Variants in ELAVL2 observed in about 807,000 individuals in gnomAD.
ELAVL2 encodes ELAV-like protein 2.
A neutral mutation model predicts 34.6 loss-of-function variants in ELAVL2; 4 were observed. The ratio of observed to expected loss-of-function variants is 0.12; its 90% CI spans 0.06 to 0.26. The LOEUF (loss-of-function observed/expected upper bound fraction) is 0.26. ELAVL2 is among the 10% of genes least tolerant of loss of function. ELAVL2 has a pLI of 1.00. For synonymous variants in ELAVL2, 193 were observed against 154.8 expected (o/e 1.25, Z -1.83); for missense variants, 432 against 442.8 (o/e 0.98, Z 0.22).
At chr9:23,779,702 A>G (rs2136711841) in intron 1 of ELAVL2, among the ~76,000 whole-genome samples, 1 of 152,060 alleles carries the variant, frequency 6.6e-6, no homozygotes, top group African/African-American at 2.4e-5. Flanking sequence ...CCACCATCCA[A>G]TTCATAAGGA....
chr9:23,715,211 C>T (rs543559794), intron 3 of ELAVL2, among the ~76,000 whole-genome samples: 4 of 152,230 alleles, frequency 2.6e-5, no homozygotes, highest in East Asian at 1.9e-4. Context: ...TGCAGTGGCA[C>T]GATCTCAGCT....
At chr9:23,693,117 A>C (rs61406658) in intron 6 of ELAVL2, among the ~76,000 whole-genome samples, 2 of 152,184 alleles carry the variant, frequency 1.3e-5, no homozygotes, top group East Asian at 3.8e-4. Context: ...ACTGTACTGA[A>C]TATCATCCAC....
chr9:23,790,383 T>C (rs1303110987), intron 1 of ELAVL2, among the ~76,000 whole-genome samples: 3 of 152,214 alleles, frequency 2.0e-5, no homozygotes, highest in Non-Finnish European at 4.4e-5. Flanking sequence ...AGTCTGTGAC[T>C]GCACAGGTAA....
In ELAVL2 at chr9:23,754,713, T is replaced by C. The variant is rs542034482; in HGVS notation, c.229+7293A>G. On this transcript the variant is annotated intron_variant, in intron 2 of 6. Transcript: ENST00000397312. ...CCTGACCTCCGGTGATTCGCCTGCA[T>C]TGGCCTTCCAAAGTGCTGAGAATAC... 5.9e-5 allele frequency among the ~76,000 whole-genome samples: 9 copies of C among 152,316 alleles called. No individual in the cohort carries two copies. The South Asian group carries it at 8.3e-4, about 14-fold the overall frequency.
chr9:23,718,558 T>C (rs373568595), intron 3 of ELAVL2, among the ~76,000 whole-genome samples: 7 of 152,292 alleles, frequency 4.6e-5, no homozygotes, highest in East Asian at 1.9e-4. Flanking sequence ...AGATGGAAAT[T>C]TGTGTAAGGC....
chr9:23,798,108 T>C (rs2061173927), intron 1 of ELAVL2, among the ~76,000 whole-genome samples: 1 of 152,210 alleles, frequency 6.6e-6, no homozygotes, highest in Non-Finnish European at 1.5e-5. Flanking sequence ...AGGGAGCCAC[T>C]GAAACCTTCA....
intron 3 of ELAVL2, among the ~76,000 whole-genome samples, chr9:23,721,761 A>T (rs112618289): frequency 3.3e-5 from 5 of 152,326 alleles, no homozygotes; most frequent in African/African-American, 9.6e-5. Context: ...ACTTCCACTT[A>T]ATGAACAGTA....
chr9:23,786,743 A>C (rs2059723228), intron 1 of ELAVL2, among the ~76,000 whole-genome samples: 1 of 149,354 alleles, frequency 6.7e-6, no homozygotes, highest in African/African-American at 2.5e-5. Context: ...GTATATAAGC[A>C]GGAAACCTGC....
intron 3 of ELAVL2, among the ~76,000 whole-genome samples, chr9:23,707,188 G>A (rs1349246530): frequency 6.6e-6 from 1 of 152,242 alleles, no homozygotes; most frequent in Non-Finnish European, 1.5e-5. Context: ...CCAATTTCAA[G>A]TGATTAATGT....
intron 2 of ELAVL2, among the ~76,000 whole-genome samples, chr9:23,735,860 A>T (rs765402308): frequency 2.0e-5 from 3 of 152,140 alleles, no homozygotes; most frequent in African/African-American, 7.2e-5. Flanking sequence ...ACCAAAGACT[A>T]CTGAGAGCAG....
At position 23,692,859 on chromosome 9, in the gene ELAVL2, T is replaced by C. The variant is rs1270343472; in HGVS notation, c.778A>G (p.Met260Val). 6.2e-7 allele frequency: 1 copy of C among 1,614,036 alleles called. No homozygotes were observed. The highest frequency in any genetic ancestry group is 8.5e-7 in the Non-Finnish European group (1 of 1,179,918). The change falls in exon 7 of 7, where the codon ATG (methionine) becomes GTG (valine). Residue 260 changes from methionine to valine, a missense_variant. Around this residue, in one of 3 missense-constraint regions of ELAVL2, gnomAD observed 295 missense variants for 306.1 expected, o/e 0.96. Transcript: ENST00000397312. Reference sequence around the variant, plus strand: ...ATATTAATTCCAGCCAAACTGGTCATTCCGTCAATGGTCATTGGAGAAAAC... The same window carrying C: ...ATATTAATTCCAGCCAAACTGGTCACTCCGTCAATGGTCATTGGAGAAAAC... ...KRFSPMTIDG[M>V]TSLAGINIPG... is the part of the protein sequence containing the mutation.
chr9:23,701,366 A>T lies in ELAVL2; in HGVS notation c.713+13T>A. 2 of 1,613,822 alleles carry T rather than the reference A, an allele frequency of 1.2e-6. No individual in the cohort carries two copies. Among genetic ancestry groups the T allele is most frequent in the South Asian group, 2.2e-5 (2 of 91,070 alleles). On this transcript the variant is annotated intron_variant, in intron 5 of 6. Coordinates refer to ENST00000397312, the MANE Select transcript of ELAVL2 (RefSeq NM_004432.5). ...AGTTTAGTAGCTGGGCACAAGAACC[A>T]AACCAGACTTACCTAAAACGCTGTG... is the stretch of plus-strand genomic sequence containing the variant.
chr9:23,774,213 C>CAAAAAAAAAAAAAAAAA (rs57247631), intron 1 of ELAVL2, among the ~76,000 whole-genome samples: 2 of 61,450 alleles, frequency 3.3e-5, no homozygotes, highest in African/African-American at 6.4e-5. Flanking sequence ...GACTCCATCT[C>CAAAAAAAAAAAAAAAAA]AAAAAAAAAA....
intron 2 of ELAVL2, among the ~76,000 whole-genome samples, chr9:23,746,165 A>G (rs901973948): frequency 3.3e-5 from 5 of 152,210 alleles, no homozygotes; most frequent in Non-Finnish European, 7.3e-5. Flanking sequence ...CTTTATTTAC[A>G]AAATATGCAT....
chr9:23,780,070 G>A (rs1284497977), intron 1 of ELAVL2, among the ~76,000 whole-genome samples: 3 of 123,254 alleles, frequency 2.4e-5, no homozygotes, highest in African/African-American at 6.1e-5. Context: ...CTATTGCAAA[G>A]TAAAGTATGG....
At chr9:23,717,076 T>C (rs2042499367) in intron 3 of ELAVL2, among the ~76,000 whole-genome samples, 1 of 152,220 alleles carries the variant, frequency 6.6e-6, no homozygotes, top group African/African-American at 2.4e-5. Flanking sequence ...ATCAGTGTGG[T>C]AGTAAAGTTA....
At chr9:23,733,172 T>TAAAAAAAAAAAAAAA (rs397953305) in intron 2 of ELAVL2, among the ~76,000 whole-genome samples, 5 of 104,590 alleles carry the variant, frequency 4.8e-5, no homozygotes, top group African/African-American at 7.2e-5. Flanking sequence ...CTAGAAAGCT[T>TAAAAAAAAAAAAAAA]AAAAAAAAAA....
At chr9:23,696,720 T>G (rs1338152702) in intron 5 of ELAVL2, among the ~76,000 whole-genome samples, 1 of 152,090 alleles carries the variant, frequency 6.6e-6, no homozygotes, top group Non-Finnish European at 1.5e-5. Context: ...TCCACCCGCC[T>G]TGGCCTCCCA....
chr9:23,785,372 G>C (rs1176599162), intron 1 of ELAVL2, among the ~76,000 whole-genome samples: 1 of 152,180 alleles, frequency 6.6e-6, no homozygotes, highest in Non-Finnish European at 1.5e-5. Flanking sequence ...CCCACACATA[G>C]ACCAAAGCAT....
Sources: allele counts gnomAD v4.1 joint callset (sites outside exome capture counted in the v4.1 genomes callset), GRCh38; gene constraint gnomAD v4.1.1; regional missense constraint gnomAD v4.1.1; transcripts MANE v1.5; gene names NCBI Gene and HGNC (gene_info 2026-07-23, HGNC 2026-07-21).